Variants in ABCA1 observed in about 807,000 individuals in gnomAD.
ABCA1 encodes the protein ATP binding cassette subfamily A member 1, also known as phospholipid-transporting ATPase ABCA1.
A neutral mutation model predicts 262.5 loss-of-function variants in ABCA1; 133 were observed. The observed-to-expected ratio is 0.51, with a 90% CI of 0.44 to 0.59. ABCA1 has a LOEUF of 0.59. Among genes scored for constraint, ABCA1 ranks in the 20% least tolerant of loss-of-function variants. The pLI is 0.00. For missense variants in ABCA1, 2,452 were observed against 2,777.5 expected (o/e 0.88, Z 2.63); for synonymous variants, 1,022 against 1,043.5 (o/e 0.98, Z 0.40).
At chr9:104,864,293 C>T (rs1037762711) in intron 5 of ABCA1, among the ~76,000 whole-genome samples, 19 of 152,226 alleles carry the variant, frequency 1.2e-4, no homozygotes, top group African/African-American at 4.6e-4. Flanking sequence ...GATGTCAGGA[C>T]CATCCCCAGG....
intron 18 of ABCA1, among the ~76,000 whole-genome samples, chr9:104,823,298 A>T (rs1832535369): frequency 1.3e-5 from 2 of 152,192 alleles, no homozygotes; most frequent in Admixed American, 1.3e-4. Context: ...TTCACACATG[A>T]TAAAATTGCA....
intron 2 of ABCA1, among the ~76,000 whole-genome samples, chr9:104,902,089 A>C (rs535321706): frequency 6.6e-6 from 1 of 152,318 alleles, no homozygotes; most frequent in African/African-American, 2.4e-5. Context: ...GGCTGAACAC[A>C]ATCAGTTTTT....
intron 2 of ABCA1, among the ~76,000 whole-genome samples, chr9:104,894,242 G>A (rs868032512): frequency 6.6e-6 from 1 of 152,152 alleles, no homozygotes; most frequent in Non-Finnish European, 1.5e-5. Context: ...CAAGGCTTAT[G>A]TTCCTGGATA....
At chr9:104,845,027 C>T (rs926115655) in intron 8 of ABCA1, among the ~76,000 whole-genome samples, 4 of 152,186 alleles carry the variant, frequency 2.6e-5, no homozygotes, top group Non-Finnish European at 5.9e-5. Flanking sequence ...CAGATGCTTT[C>T]AAGGGAAAGG....
At chr9:104,924,369 G>A (rs1285118708) in intron 1 of ABCA1, among the ~76,000 whole-genome samples, 4 of 152,126 alleles carry the variant, frequency 2.6e-5, no homozygotes, top group Non-Finnish European at 4.4e-5. Flanking sequence ...CAGCACTTTG[G>A]GAGGCTGAGG....
intron 18 of ABCA1, among the ~76,000 whole-genome samples, chr9:104,823,963 T>C (rs901757294): frequency 6.6e-6 from 1 of 152,216 alleles, no homozygotes; most frequent in Non-Finnish European, 1.5e-5. Flanking sequence ...GAGCCTTTGA[T>C]GAGCTGTGGA....
chr9:104,817,275 C>G lies in ABCA1; in HGVS notation c.3535+57G>C. 3 of 1,613,734 alleles carry G rather than the reference C, an allele frequency of 1.9e-6. No individual in the cohort carries two copies. In the Admixed American group the frequency reaches 5.0e-5, roughly 27 times the overall value. On this transcript the variant is annotated intron_variant, in intron 24 of 49. Coordinates refer to ENST00000374736, the MANE Select transcript of ABCA1 (RefSeq NM_005502.4). This position sits in a 1 kb window ranked among gnomAD's most constrained non-coding sequence, Gnocchi z 4.7. ...GCACCTCTCCTCCTCTGCCTCCACT[C>G]TGCCCAGCTGGGGGAAGCTCAGGCA...
intron 15 of ABCA1, among the ~76,000 whole-genome samples, chr9:104,828,230 C>G (rs532127157): frequency 1.3e-5 from 2 of 152,122 alleles, no homozygotes; most frequent in Admixed American, 1.3e-4. Flanking sequence ...CCCTGGGGCA[C>G]GACCTTCCCA....
chr9:104,888,239 G>A (rs1465698058), intron 3 of ABCA1, among the ~76,000 whole-genome samples: 1 of 152,172 alleles, frequency 6.6e-6, no homozygotes, highest in Non-Finnish European at 1.5e-5. Context: ...TATCTCATAA[G>A]CTTGTGGGTC....
intron 1 of ABCA1, among the ~76,000 whole-genome samples, chr9:104,904,351 C>T (rs1014444182): frequency 3.3e-5 from 5 of 152,200 alleles, no homozygotes; most frequent in African/African-American, 1.2e-4. Context: ...AGGCGGATCA[C>T]GAGGTCAAGA....
At chr9:104,856,349 G>C (rs1310101699) in intron 7 of ABCA1, among the ~76,000 whole-genome samples, 1 of 152,146 alleles carries the variant, frequency 6.6e-6, no homozygotes, top group Non-Finnish European at 1.5e-5. Flanking sequence ...CAGCAGAGGG[G>C]CAGAAGCAGA....
chr9:104,855,194 C>A (rs537795937), intron 7 of ABCA1: 1 of 983,728 alleles, frequency 1.0e-6, no homozygotes, highest in Non-Finnish European at 1.2e-6. Context: ...AAGAAAACTT[C>A]TATCTTTTTT....
Position 104,832,687 on chromosome 9 carries a change from A to C in ABCA1, c.1396T>G (p.Phe466Val). Residue 466 changes from phenylalanine (F) to valine (V), a missense_variant, in exon 12 of 50, where the codon TTT becomes GTT. Physicochemically the swap from Phe to Val is conservative, Grantham distance 50 (BLOSUM62 -1). This residue lies in a region of ABCA1 where 1,032 missense variants were observed against 1,089.7 expected (regional missense o/e 0.95). Coordinates refer to ENST00000374736, the MANE Select transcript of ABCA1 (RefSeq NM_005502.4). ...LDWTAQDIVA[F>V]LAKHPEDVQS... ...ACATCCTCTGGGTGCTTGGCCAAAA[A>C]CGCCACGATGTCTTGGGCTGTCCAA... The C allele has an allele frequency of 6.2e-7, 1 of 1,614,110 alleles. No homozygotes were observed. Among genetic ancestry groups the C allele is most frequent in the Non-Finnish European group, 8.5e-7 (1 of 1,180,026 alleles).
At chr9:104,835,246 C>CAA (rs201375651) in intron 11 of ABCA1, among the ~76,000 whole-genome samples, 1 of 99,232 alleles carries the variant, frequency 1.0e-5, no homozygotes. Flanking sequence ...AGACTCTGTC[C>CAA]AAAAAAAAAA....
intron 37 of ABCA1, 93 bp from the exon 38 acceptor site, chr9:104,796,517 G>A (rs1329481227): frequency 2.2e-6 from 2 of 914,066 alleles, no homozygotes; most frequent in African/African-American, 3.3e-5. Flanking sequence ...AGAAAGGGCA[G>A]ATAAACATAT....
At position 104,884,430 on chromosome 9, in the gene ABCA1, G is replaced by C. The variant is rs868563297; in HGVS notation, c.299C>G (p.Ser100Cys). The C allele has an allele frequency of 1.9e-6, 3 of 1,614,192 alleles. No homozygotes were observed. Among genetic ancestry groups the C allele is most frequent in the Non-Finnish European group, 1.7e-6 (2 of 1,180,034 alleles). Reference sequence around the variant, plus strand: ...GAAAACCTGATCTGATACTTACATGGATTTGTTAAAGTTTCCAACAACTCC... The same window carrying C: ...GAAAACCTGATCTGATACTTACATGCATTTGTTAAAGTTTCCAACAACTCC... Reference protein sequence around the residue: ...APGVVGNFNKSIVARLFSDAR... With the variant: ...APGVVGNFNKCIVARLFSDAR... The change falls in exon 4 of 50, where the codon TCC becomes TGC. Residue 100 changes from serine (S) to cysteine (C), a missense_variant. Ser to Cys is a moderately radical substitution (Grantham distance 112, BLOSUM62 -1). Coordinates refer to ENST00000374736, the MANE Select transcript of ABCA1 (RefSeq NM_005502.4).
chr9:104,803,284 C>T lies in ABCA1; in HGVS notation c.4592G>A (p.Arg1531Lys). 1 of 1,614,162 alleles carries T rather than the reference C, an allele frequency of 6.2e-7. No individual in the cohort carries two copies. Among genetic ancestry groups the T allele is most frequent in the Non-Finnish European group, 8.5e-7 (1 of 1,180,020 alleles). Reference sequence around the variant, plus strand: ...ACGTGCCAGAAAGACAGCAACTTACCTAAACTCATTCACCCAGATCTTGTT... The same window carrying T: ...ACGTGCCAGAAAGACAGCAACTTACTTAAACTCATTCACCCAGATCTTGTT... ...LKNKIWVNEF[R>K]YGGFSLGVSN... The change falls in exon 33 of 50, where the codon AGG becomes AAG. Residue 1531 changes from arginine to lysine, a missense_variant and splice_region_variant. Physicochemically the swap from Arg to Lys is conservative, Grantham distance 26. This residue lies in a region of ABCA1 where 752 missense variants were observed against 944.5 expected (regional missense o/e 0.80). Transcript: ENST00000374736.
At chr9:104,886,149 G>A (rs3847300) in intron 3 of ABCA1, among the ~76,000 whole-genome samples, 17,588 of 152,152 alleles carry the variant, frequency 0.12, 1,085 homozygotes, top group Middle Eastern at 0.2. Context: ...CACTGTGGGA[G>A]TGAATCTACC....
At chr9:104,851,769 T>C (rs567367663) in intron 7 of ABCA1, among the ~76,000 whole-genome samples, 1 of 152,334 alleles carries the variant, frequency 6.6e-6, no homozygotes, top group Non-Finnish European at 1.5e-5. Flanking sequence ...ACTACCTCCC[T>C]GGGCCAGAGC....
Sources: gnomAD v4.1 joint callset for allele counts (sites outside exome capture counted in the v4.1 genomes callset) on GRCh38, gnomAD v4.1.1 for gene constraint, gnomAD v4.1.1 regional missense constraint, Gnocchi (gnomAD v3.1) non-coding constraint, MANE v1.5 for transcripts, NCBI Gene and HGNC (gene_info 2026-07-23, HGNC 2026-07-21) for gene names.